The following DECR1 variants were observed in gnomAD, a reference collection of about 807,000 sequenced individuals.
DECR1 encodes the protein 2,4-dienoyl-CoA reductase [(3E)-enoyl-CoA-producing], mitochondrial.
A neutral mutation model predicts 38.8 loss-of-function variants in DECR1; 44 were observed. That is an observed-to-expected ratio of 1.13 (90% CI 0.89 to 1.46). The LOEUF (loss-of-function observed/expected upper bound fraction) is 1.46. DECR1 is among the 40% of genes most tolerant of loss of function. The pLI is 0.00. For synonymous variants in DECR1, 148 were observed against 135.2 expected, an observed-to-expected ratio of 1.09 and a Z score of -0.66; for missense variants, 428 against 405.5, an observed-to-expected ratio of 1.06 and a Z score of -0.48.
chr8:90,019,302 G>A (rs1813090912), intron 4 of DECR1, 130 bp downstream of exon 4: 2 of 730,098 alleles, frequency 2.7e-6, no homozygotes, highest in Non-Finnish European at 4.5e-6. Flanking sequence ...GCTTAGCCTG[G>A]GAAGGTTCTT....
chr8:90,035,693 G>A (rs1193418973), intron 5 of DECR1, among the ~76,000 whole-genome samples: 1 of 151,900 alleles, frequency 6.6e-6, no homozygotes, highest in Non-Finnish European at 1.5e-5. Context: ...TTAGGTTTCT[G>A]TGTCTTTTTA....
intron 5 of DECR1, among the ~76,000 whole-genome samples, chr8:90,021,442 G>T (rs1049326215): frequency 1.3e-5 from 2 of 152,168 alleles, no homozygotes; most frequent in Non-Finnish European, 2.9e-5. Flanking sequence ...TGAAAACTTT[G>T]ATGTCATTAG....
chr8:90,019,243 G>A (rs1457408037), intron 4 of DECR1, 71 bp downstream of exon 4: 5 of 1,277,886 alleles, frequency 3.9e-6, no homozygotes, highest in Non-Finnish European at 4.5e-6. Flanking sequence ...CATGTACAAA[G>A]GAAATAAAAT....
chr8:90,006,568 ATGG>A (rs921560334), intron 1 of DECR1, among the ~76,000 whole-genome samples: 6 of 152,160 alleles, frequency 3.9e-5, no homozygotes, highest in African/African-American at 1.2e-4. Flanking sequence ...TTGAGAGGTG[ATGG>A]TGGCCTCAAC....
intron 7 of DECR1, 61 bp from the exon 8 acceptor site, chr8:90,044,788 G>C (rs908320986): frequency 6.5e-7 from 1 of 1,529,652 alleles, no homozygotes; most frequent in South Asian, 1.3e-5. Flanking sequence ...ATTTTTTCTT[G>C]AGTAGGAAAG....
chr8:90,046,006 G>A (rs931315165), intron 8 of DECR1, among the ~76,000 whole-genome samples: 10 of 152,164 alleles, frequency 6.6e-5, no homozygotes, highest in African/African-American at 2.4e-4. Flanking sequence ...AAACAGAAAG[G>A]ACATCCACAC....
Position 90,051,529 on chromosome 8 carries a change from G to A in DECR1, c.886-148G>A, listed in dbSNP as rs954222458. The A allele has an allele frequency of 3.4e-5, 21 of 612,960 alleles. No individual in the cohort carries two copies. The East Asian group carries it at 5.3e-4, about 16-fold the overall frequency. The allele number at this position is 612,960 out of a possible 1,614,324, so 38.0% of individuals were successfully genotyped here. On this transcript the variant is annotated intron_variant, in intron 8 of 9. Coordinates refer to ENST00000220764, the MANE Select transcript of DECR1 (RefSeq NM_001359.2). ...TTATAAACTGAGTAAATCAATTTAG[G>A]TTTAATCATGAGTTTTATCTTTAAA...
rs577880571 is a variant in DECR1, at chr8:90,010,893, T to G, written c.70-6231T>G. Among the ~76,000 whole-genome samples, 12 of 152,342 alleles carry G rather than the reference T, an allele frequency of 7.9e-5. 1 individual carries two copies. In the South Asian group the frequency reaches 2.5e-3, roughly 32 times the overall value. ...TCTTGCTCTGTTTTCCTCTACGTAC[T>G]TCTTGTATTGTGTGCTTGCCTATAT... On this transcript the variant is annotated intron_variant, in intron 1 of 9. Transcript: ENST00000220764.
chr8:90,044,743 T>TTAAA (rs1265249684), intron 7 of DECR1, 106 bp from the exon 8 acceptor site: 17 of 1,206,946 alleles, frequency 1.4e-5, no homozygotes, highest in Non-Finnish European at 1.9e-5. Flanking sequence ...AAGCCTAAGG[T>TTAAA]TTTAAGCTGC....
intron 4 of DECR1, among the ~76,000 whole-genome samples, chr8:90,020,369 CT>C (rs1011004657): frequency 5.3e-5 from 8 of 151,936 alleles, no homozygotes; most frequent in Non-Finnish European, 8.8e-5. Context: ...TATTAATTTT[CT>C]TTTTTTTAAC....
At chr8:90,007,232 AAG>A (rs1268998574) in intron 1 of DECR1, among the ~76,000 whole-genome samples, 1 of 152,120 alleles carries the variant, frequency 6.6e-6, no homozygotes, top group Non-Finnish European at 1.5e-5. Flanking sequence ...GATGAGGCAG[AAG>A]AGAGGGACAG....
chr8:90,007,439 G>A (rs1205221036), intron 1 of DECR1, among the ~76,000 whole-genome samples: 1 of 152,030 alleles, frequency 6.6e-6, no homozygotes, highest in South Asian at 2.1e-4. Context: ...TTGAAATCAG[G>A]TGGTGGATAT....
chr8:90,044,573 T>G (rs1813836864), intron 7 of DECR1, among the ~76,000 whole-genome samples: 1 of 152,230 alleles, frequency 6.6e-6, no homozygotes, highest in South Asian at 2.1e-4. Flanking sequence ...CAGGATACCT[T>G]TATATACATT....
At chr8:90,018,696 C>A in intron 2 of DECR1, 3 of 446,730 alleles carry the variant, frequency 6.7e-6, no homozygotes, top group East Asian at 3.8e-5. Flanking sequence ...TTAAAGTAAA[C>A]TGGTTTAAAA....
chr8:90,040,268 C>T (rs759473412), intron 6 of DECR1, among the ~76,000 whole-genome samples: 1 of 152,150 alleles, frequency 6.6e-6, no homozygotes, highest in Non-Finnish European at 1.5e-5. Context: ...TCAAAAACAT[C>T]ACTCAGAGAA....
chr8:90,039,413 G>C (rs1334934728), intron 6 of DECR1, among the ~76,000 whole-genome samples: 2 of 152,194 alleles, frequency 1.3e-5, no homozygotes, highest in Admixed American at 1.3e-4. Flanking sequence ...AAGTGAAGGG[G>C]TAAGCCCCTT....
At chr8:90,039,926 C>G (rs569062446) in intron 6 of DECR1, among the ~76,000 whole-genome samples, 33 of 152,262 alleles carry the variant, frequency 2.2e-4, no homozygotes, top group Admixed American at 8.5e-4. Context: ...ATAATAATGG[C>G]TAACATATTG....
At chr8:90,019,492 T>C (rs184949670) in intron 4 of DECR1, among the ~76,000 whole-genome samples, 1 of 152,362 alleles carries the variant, frequency 6.6e-6, no homozygotes, top group East Asian at 1.9e-4. Context: ...CCACTTTTAA[T>C]TGCCTGCAAA....
chr8:90,041,702 T>A (rs1813767852), intron 6 of DECR1, among the ~76,000 whole-genome samples: 1 of 152,180 alleles, frequency 6.6e-6, no homozygotes, highest in African/African-American at 2.4e-5. Flanking sequence ...TTACCTTTTT[T>A]GTATAGAGTC....
Sources: gnomAD v4.1 joint callset for allele counts (sites outside exome capture counted in the v4.1 genomes callset) on GRCh38, gnomAD v4.1.1 for gene constraint, MANE v1.5 for transcripts, NCBI Gene and HGNC (gene_info 2026-07-23, HGNC 2026-07-21) for gene names.